Variants in CDC42BPA observed in about 807,000 individuals in gnomAD.
CDC42BPA encodes the protein serine/threonine-protein kinase MRCK alpha.
Under a neutral mutation model 223.5 loss-of-function variants are expected in CDC42BPA, and 80 were observed. That is an observed-to-expected ratio of 0.36 (90% CI 0.30 to 0.43). CDC42BPA has a LOEUF of 0.43. Ranked by LOEUF, CDC42BPA falls within the 20% of genes least tolerant of loss-of-function variation. The pLI is 1.00. For synonymous variants in CDC42BPA, 694 were observed against 718.6 expected (o/e 0.97, Z 0.55); for missense variants, 1,743 against 2,099.9 (o/e 0.83, Z 3.32).
At chr1:227,047,391 T>C (rs1672663272) in intron 23 of CDC42BPA, among the ~76,000 whole-genome samples, 1 of 152,166 alleles carries the variant, frequency 6.6e-6, no homozygotes, top group African/African-American at 2.4e-5. Context: ...TTCAGGTCTA[T>C]TGACCTCTCT....
At chr1:227,147,587 T>C in intron 6 of CDC42BPA, 28 bp from the exon 7 acceptor site, 1 of 1,290,776 alleles carries the variant, frequency 7.7e-7, no homozygotes, top group Non-Finnish European at 1.1e-6. Context: ...TTTATTAATC[T>C]CCTATATTAG....
At chr1:227,230,867 C>T (rs150907947) in intron 2 of CDC42BPA, among the ~76,000 whole-genome samples, 10,978 of 125,398 alleles carry the variant, frequency 0.088, 623 homozygotes, top group Middle Eastern at 0.21. Context: ...TGTTACCAGG[C>T]TGGAGTGCAG....
At chr1:227,288,076 G>A (rs1479986705) in intron 1 of CDC42BPA, among the ~76,000 whole-genome samples, 1 of 152,104 alleles carries the variant, frequency 6.6e-6, no homozygotes, top group South Asian at 2.1e-4. Flanking sequence ...ATTAATCTAT[G>A]AGTATCATTA....
chr1:227,202,095 G>A (rs1671873868), intron 3 of CDC42BPA, among the ~76,000 whole-genome samples: 1 of 152,070 alleles, frequency 6.6e-6, no homozygotes, highest in Admixed American at 6.6e-5. Context: ...CAATTCTCCT[G>A]CCTTAGCCTC....
chr1:227,118,444 T>C (rs2149430591), intron 12 of CDC42BPA, among the ~76,000 whole-genome samples: 1 of 152,284 alleles, frequency 6.6e-6, no homozygotes, highest in African/African-American at 2.4e-5. Context: ...CATTTTCTAC[T>C]GCCTATAGGA....
chr1:227,240,373 C>T (rs1273870633), intron 2 of CDC42BPA, among the ~76,000 whole-genome samples: 1 of 152,006 alleles, frequency 6.6e-6, no homozygotes, highest in African/African-American at 2.4e-5. Flanking sequence ...GTACTCAGTG[C>T]ATACTCAATT....
At chr1:227,085,215 T>C (rs1396881122) in intron 16 of CDC42BPA, among the ~76,000 whole-genome samples, 1 of 152,152 alleles carries the variant, frequency 6.6e-6, no homozygotes, top group Non-Finnish European at 1.5e-5. Flanking sequence ...ACTCACTCTA[T>C]TGGTTCTGTT....
chr1:227,231,742 G>A (rs1454742295), intron 2 of CDC42BPA, among the ~76,000 whole-genome samples: 3 of 152,012 alleles, frequency 2.0e-5, no homozygotes, highest in Non-Finnish European at 4.4e-5. Flanking sequence ...CAGTGATGAT[G>A]AGCATTTTTT....
At chr1:227,197,887 C>CA (rs943025657) in intron 4 of CDC42BPA, among the ~76,000 whole-genome samples, 1 of 152,088 alleles carries the variant, frequency 6.6e-6, no homozygotes, top group African/African-American at 2.4e-5. Flanking sequence ...ATTATCTTTG[C>CA]ATGATACATT....
chr1:227,199,410 A>C (rs975344094), intron 4 of CDC42BPA, 147 bp downstream of exon 4: 24 of 506,536 alleles, frequency 4.7e-5, no homozygotes, highest in African/African-American at 8.1e-5. Flanking sequence ...AGAAAAAAAA[A>C]CACCACATAT....
Position 227,185,405 on chromosome 1 carries a change from G to A in CDC42BPA, c.599+8381C>T, listed in dbSNP as rs1025417835. On this transcript the variant is annotated intron_variant, in intron 5 of 36. Coordinates refer to ENST00000366766, the MANE Select transcript of CDC42BPA (RefSeq NM_001394014.1). ...TGTCCTCTTGCCCTTGCCCCCACAT[G>A]TGCCTGGCAGTATGGCTGCCCCTAC... Among the ~76,000 whole-genome samples, 94 of 152,238 alleles carry A rather than the reference G, an allele frequency of 6.2e-4. 1 individual carries two copies. Among genetic ancestry groups the A allele is most frequent in the Admixed American group, 1.0e-3 (16 of 15,296 alleles).
At chr1:227,139,763 T>A (rs775092220) in intron 9 of CDC42BPA, 21 bp from the exon 10 acceptor site, 1 of 1,467,754 alleles carries the variant, frequency 6.8e-7, no homozygotes. Context: ...GAAAAAAAAA[T>A]GTAGGTTCAT....
chr1:227,268,584 ATATGTGTATATATAG>A lies in CDC42BPA; in HGVS notation c.179-14444_179-14430del, dbSNP rs1304662911. Among the ~76,000 whole-genome samples, 3 of 146,204 alleles carry A rather than the reference ATATGTGTATATATAG, an allele frequency of 2.1e-5. No homozygotes were observed. The East Asian group carries it at 6.6e-4, about 32-fold the overall frequency. On this transcript the variant is annotated intron_variant, in intron 1 of 36. Transcript: ENST00000366766. Reference sequence around the variant, plus strand: ...TTCTGTATATATATAGTGTATATATATATGTGTATATATAGTGTGTGTATAGTGTGTGTATATATA... The same window carrying A: ...TTCTGTATATATATAGTGTATATATATGTGTGTATAGTGTGTGTATATATA...
At chr1:227,306,090 G>GT (rs1233000110) in intron 1 of CDC42BPA, among the ~76,000 whole-genome samples, 2 of 149,282 alleles carry the variant, frequency 1.3e-5, no homozygotes, top group East Asian at 4.0e-4. Context: ...AGTCACTGAA[G>GT]TATATTAAGC....
chr1:227,007,364 T>G (rs1391614010), intron 34 of CDC42BPA, among the ~76,000 whole-genome samples: 1 of 152,228 alleles, frequency 6.6e-6, no homozygotes, highest in Non-Finnish European at 1.5e-5. Flanking sequence ...GTTCTCTCAG[T>G]GCTAACTAGT....
At chr1:227,139,935 A>C (rs1249055789) in intron 9 of CDC42BPA, among the ~76,000 whole-genome samples, 193 bp from the exon 10 acceptor site, 2 of 152,224 alleles carry the variant, frequency 1.3e-5, no homozygotes, top group Non-Finnish European at 2.9e-5. Context: ...TTTGTTTGCA[A>C]AATCACCATA....
chr1:227,241,902 A>C (rs1331537673), intron 2 of CDC42BPA, among the ~76,000 whole-genome samples: 1 of 152,142 alleles, frequency 6.6e-6, no homozygotes, highest in Non-Finnish European at 1.5e-5. Flanking sequence ...AAAAAGAAAT[A>C]ACACCAATCT....
At chr1:227,162,726 T>A (rs1387423200) in intron 5 of CDC42BPA, among the ~76,000 whole-genome samples, 3 of 152,052 alleles carry the variant, frequency 2.0e-5, no homozygotes, top group Non-Finnish European at 4.4e-5. Context: ...ATCCCAGCTA[T>A]TTGGGAGGCT....
At chr1:227,300,993 T>A (rs1691526307) in intron 1 of CDC42BPA, among the ~76,000 whole-genome samples, 1 of 152,236 alleles carries the variant, frequency 6.6e-6, no homozygotes, top group South Asian at 2.1e-4. Context: ...TAAGAAATAA[T>A]AATCATATCC....
Sources: gnomAD v4.1 joint callset for allele counts (sites outside exome capture counted in the v4.1 genomes callset) on GRCh38, gnomAD v4.1.1 for gene constraint, MANE v1.5 for transcripts, NCBI Gene and HGNC (gene_info 2026-07-23, HGNC 2026-07-21) for gene names.